Variants in PPARGC1A observed in about 807,000 individuals in gnomAD.
PPARGC1A encodes PPARG coactivator 1 alpha.
A neutral mutation model predicts 88.7 loss-of-function variants in PPARGC1A; 25 were observed. The ratio of observed to expected loss-of-function variants is 0.28; its 90% CI spans 0.21 to 0.39. PPARGC1A has a LOEUF of 0.39. PPARGC1A is among the 10% of genes least tolerant of loss of function. The pLI is 1.00. For synonymous variants in PPARGC1A, 363 were observed against 355.6 expected, an observed-to-expected ratio of 1.02 and a Z score of -0.24; for missense variants, 880 against 968.7, an observed-to-expected ratio of 0.91 and a Z score of 1.22.
chr4:24,148,144 A>T, the PPARGC1A span, among the ~76,000 whole-genome samples: 3 of 151,958 alleles, frequency 2.0e-5, no homozygotes, highest in African/African-American at 7.3e-5. Flanking sequence ...ATATTCTATA[A>T]CATTTCTCCC....
At chr4:24,326,019 T>C in the PPARGC1A span, among the ~76,000 whole-genome samples, 1 of 151,316 alleles carries the variant, frequency 6.6e-6, no homozygotes, top group South Asian at 2.1e-4. Context: ...TCCTGGACTA[T>C]AGCCGCTGAT....
At chr4:23,806,026 T>G (rs929876263) in intron 10 of PPARGC1A, among the ~76,000 whole-genome samples, 2 of 152,182 alleles carry the variant, frequency 1.3e-5, no homozygotes, top group Non-Finnish European at 2.9e-5. Context: ...TAATGGATAC[T>G]GATACATTCT....
the PPARGC1A span, among the ~76,000 whole-genome samples, chr4:24,409,138 G>T: frequency 6.6e-6 from 1 of 152,084 alleles, no homozygotes; most frequent in East Asian, 1.9e-4. Context: ...ATAAAAAGTT[G>T]TTTTTTTAAG....
At chr4:24,323,118 T>C in the PPARGC1A span, among the ~76,000 whole-genome samples, 1 of 152,202 alleles carries the variant, frequency 6.6e-6, no homozygotes, top group Non-Finnish European at 1.5e-5. Flanking sequence ...GAAGAAACCA[T>C]GCCGGGCCTT....
chr4:24,328,291 C>A, the PPARGC1A span, among the ~76,000 whole-genome samples: 134,303 of 148,156 alleles, frequency 0.91, 61,836 homozygotes, highest in Non-Finnish European at 0.99. Flanking sequence ...ATCAACCAAC[C>A]CGTCATTTTA....
chr4:24,063,549 C>T, the PPARGC1A span, among the ~76,000 whole-genome samples: 1 of 152,076 alleles, frequency 6.6e-6, no homozygotes, highest in Non-Finnish European at 1.5e-5. Flanking sequence ...ATTTCTCAGC[C>T]GACATCCCAG....
At chr4:23,807,737 G>T (rs560951815) in intron 10 of PPARGC1A, among the ~76,000 whole-genome samples, 56 of 147,642 alleles carry the variant, frequency 3.8e-4, no homozygotes, top group Admixed American at 1.2e-3. Flanking sequence ...TTTTTCTTTT[G>T]TGTGTGTGTG....
chr4:24,116,594 A>G, the PPARGC1A span, among the ~76,000 whole-genome samples: 1 of 152,364 alleles, frequency 6.6e-6, no homozygotes, highest in Non-Finnish European at 1.5e-5. Context: ...GCTGATTGTG[A>G]GCACAATGAG....
rs186643719 is a variant in PPARGC1A at position 23,798,644 on chromosome 4, C to T, written c.2294-2719G>A. On this transcript the variant is annotated intron_variant, in intron 12 of 12. Transcript: ENST00000264867. ...AACTAATTCCTAATCAAAACTATTACATTCATAATACTGACCCATCTTTCT... is the reference window on the plus strand; with the variant it reads ...AACTAATTCCTAATCAAAACTATTATATTCATAATACTGACCCATCTTTCT... 1.1e-4 allele frequency among the ~76,000 whole-genome samples: 17 copies of T among 152,234 alleles called. No individual in the cohort carries two copies. The East Asian group carries it at 2.9e-3, about 26-fold the overall frequency.
At chr4:23,945,116 ATCTCTG>A in the PPARGC1A span, among the ~76,000 whole-genome samples, 8 of 151,708 alleles carry the variant, frequency 5.3e-5, no homozygotes, top group Non-Finnish European at 7.4e-5. Context: ...TAATCCCTCT[ATCTCTG>A]TCTCTGTCTC....
At chr4:24,435,290 T>C in the PPARGC1A span, among the ~76,000 whole-genome samples, 1 of 152,220 alleles carries the variant, frequency 6.6e-6, no homozygotes, top group Non-Finnish European at 1.5e-5. Flanking sequence ...AGTCTGATAA[T>C]GGCACAATGA....
the PPARGC1A span, among the ~76,000 whole-genome samples, chr4:24,040,969 G>A: frequency 6.6e-6 from 1 of 152,162 alleles, no homozygotes; most frequent in African/African-American, 2.4e-5. Context: ...AGCTGCATTA[G>A]TCTAGGATGT....
intron 1 of PPARGC1A, among the ~76,000 whole-genome samples, chr4:23,895,164 A>G (rs1718395422): frequency 6.6e-6 from 1 of 151,294 alleles, no homozygotes; most frequent in African/African-American, 2.4e-5. Flanking sequence ...TAACTGAAAA[A>G]AAAAAAAAAA....
chr4:23,889,136 C>T (rs1286132651), intron 1 of PPARGC1A: 9 of 985,314 alleles, frequency 9.1e-6, no homozygotes, highest in Non-Finnish European at 1.1e-5. Context: ...TGATGTATTG[C>T]TGTCTATTTT....
chr4:24,004,988 G>C, the PPARGC1A span, among the ~76,000 whole-genome samples: 1 of 152,006 alleles, frequency 6.6e-6, no homozygotes, highest in South Asian at 2.1e-4. Flanking sequence ...TTTTTCCCAA[G>C]GGCTTTCCAA....
At chr4:23,853,079 A>G (rs1022915818) in intron 2 of PPARGC1A, among the ~76,000 whole-genome samples, 1 of 152,220 alleles carries the variant, frequency 6.6e-6, no homozygotes. Flanking sequence ...TTTGTAAAAG[A>G]ATTTTTTTAA....
chr4:23,888,543 C>T (rs1186158483), intron 1 of PPARGC1A, among the ~76,000 whole-genome samples: 1 of 152,178 alleles, frequency 6.6e-6, no homozygotes, highest in Non-Finnish European at 1.5e-5. Flanking sequence ...AACCCTGACT[C>T]ATAATGGCTA....
chr4:24,153,269 A>T, the PPARGC1A span, among the ~76,000 whole-genome samples: 1 of 152,180 alleles, frequency 6.6e-6, no homozygotes, highest in African/African-American at 2.4e-5. Flanking sequence ...TTTGCACCAA[A>T]CACTGACAAT....
At chr4:24,173,025 C>T in the PPARGC1A span, among the ~76,000 whole-genome samples, 2 of 152,164 alleles carry the variant, frequency 1.3e-5, no homozygotes, top group Non-Finnish European at 2.9e-5. Context: ...TACCTCTAAT[C>T]TTTGCCATTA....
Sources: gnomAD v4.1 joint callset for allele counts (sites outside exome capture counted in the v4.1 genomes callset) on GRCh38, gnomAD v4.1.1 for gene constraint, MANE v1.5 for transcripts, NCBI Gene and HGNC (gene_info 2026-07-23, HGNC 2026-07-21) for gene names.